PLXNC1: variants seen among roughly 807,000 people sequenced by gnomAD.
PLXNC1 encodes plexin-C1.
PLXNC1 carries 75 observed loss-of-function variants against 178.2 expected under a neutral mutation model. That is an observed-to-expected ratio of 0.42 (90% CI 0.35 to 0.51). PLXNC1 has a LOEUF of 0.51. Among genes scored for constraint, PLXNC1 ranks in the 20% least tolerant of loss-of-function variants. PLXNC1 has a pLI of 0.02. For synonymous variants in PLXNC1, 790 were observed against 779.9 expected, an observed-to-expected ratio of 1.01 and a Z score of -0.22; for missense variants, 1,503 against 1,984.4, an observed-to-expected ratio of 0.76 and a Z score of 4.61.
At chr12:94,288,339 A>G (rs1230572703) in intron 23 of PLXNC1, among the ~76,000 whole-genome samples, 1 of 151,178 alleles carries the variant, frequency 6.6e-6, no homozygotes, top group African/African-American at 2.4e-5. Flanking sequence ...GGCTCTGACA[A>G]CTCCAACCCA....
Position 94,294,512 on chromosome 12 carries a change from C to A in PLXNC1, c.3906C>A (p.Val1302=). The change falls in exon 24 of 31, where the codon GTC becomes GTA. Residue 1302 remains valine, a synonymous_variant. Coordinates refer to ENST00000258526, the MANE Select transcript of PLXNC1 (RefSeq NM_005761.3). ...YEISNGSTIK[V]FKKIANFTSD... ...TATCAAATGGATCCACTATAAAAGT[C>A]TTTAAGAAGATAGCAAATTTTACTT... is the stretch of plus-strand genomic sequence containing the variant. 7.6e-7 allele frequency: 1 copy of A among 1,318,162 alleles called. No homozygotes were observed. The highest frequency in any genetic ancestry group is 1.1e-6 in the Non-Finnish European group (1 of 919,334). The allele number at this position is 1,318,162 out of a possible 1,614,324, so 81.7% of individuals were successfully genotyped here. A position where few individuals can be genotyped will look rare whatever the true frequency, so the allele number is the denominator to read the frequency against.
chr12:94,164,690 C>G (rs1026390672), intron 1 of PLXNC1, among the ~76,000 whole-genome samples: 15 of 141,152 alleles, frequency 1.1e-4, no homozygotes, highest in African/African-American at 3.8e-4. Context: ...CACACACACA[C>G]ACACACACAC....
chr12:94,225,178 TG>T (rs2136026484), intron 7 of PLXNC1, among the ~76,000 whole-genome samples: 1 of 152,202 alleles, frequency 6.6e-6, no homozygotes, highest in African/African-American at 2.4e-5. Flanking sequence ...ATGCCTGACT[TG>T]CCAATTGGAA....
chr12:94,272,194 T>G (rs1467931589), intron 21 of PLXNC1: 1 of 152,174 alleles, frequency 6.6e-6, no homozygotes, highest in Non-Finnish European at 1.5e-5. Context: ...GCAGTTCAGT[T>G]GTACAGAACA....
chr12:94,181,439 A>C lies in PLXNC1; in HGVS notation c.1204-7A>C. The C allele has an allele frequency of 6.6e-7, 1 of 1,526,078 alleles. No individual in the cohort carries two copies. Among genetic ancestry groups the C allele is most frequent in the Non-Finnish European group, 8.9e-7 (1 of 1,124,854 alleles). The allele number at this position is 1,526,078 out of a possible 1,614,324, so 94.5% of individuals were successfully genotyped here. On this transcript the variant is annotated splice_polypyrimidine_tract_variant and splice_region_variant and intron_variant, in intron 2 of 30. Coordinates refer to ENST00000258526, the MANE Select transcript of PLXNC1 (RefSeq NM_005761.3). The stretch of plus-strand genomic sequence containing the variant: ...ATCATGTTTCTCTTTTTGAAAAAAA[A>C]AAATAGGTTATTCTTGGTGAGAATT...
At chr12:94,262,727 G>A in intron 20 of PLXNC1, 1 of 985,426 alleles carries the variant, frequency 1.0e-6, no homozygotes, top group Non-Finnish European at 1.2e-6. Flanking sequence ...CTACCCCACA[G>A]ACGTTTAGTG....
intron 2 of PLXNC1, among the ~76,000 whole-genome samples, chr12:94,172,286 C>T (rs988397787): frequency 5.9e-5 from 9 of 152,168 alleles, no homozygotes; most frequent in Non-Finnish European, 8.8e-5. Context: ...CATGAGTTGA[C>T]GGCATTTTGA....
At chr12:94,237,923 C>A in intron 10 of PLXNC1, 120 bp downstream of exon 10, 1 of 898,270 alleles carries the variant, frequency 1.1e-6, no homozygotes. Context: ...CAAAGCAGGC[C>A]AATTAGTCAG....
chr12:94,279,740 C>T (rs772970958), intron 22 of PLXNC1, 91 bp downstream of exon 22: 1 of 1,098,114 alleles, frequency 9.1e-7, no homozygotes, highest in South Asian at 1.3e-5. Context: ...CCTGCCCCCA[C>T]CAGCTTCCAT....
chr12:94,172,785 A>G (rs1961894911), intron 2 of PLXNC1, among the ~76,000 whole-genome samples: 1 of 152,254 alleles, frequency 6.6e-6, no homozygotes, highest in African/African-American at 2.4e-5. Context: ...CTTTTAAAGT[A>G]TCTTTAAAGA....
At chr12:94,286,616 CAAA>C (rs61238982) in intron 23 of PLXNC1, among the ~76,000 whole-genome samples, 9,794 of 101,416 alleles carry the variant, frequency 0.097, 259 homozygotes, top group South Asian at 0.13. Flanking sequence ...TGCTTAAAAG[CAAA>C]AAAAAAAAAA....
At chr12:94,264,529 G>T (rs904174806) in intron 20 of PLXNC1, among the ~76,000 whole-genome samples, 2 of 152,080 alleles carry the variant, frequency 1.3e-5, no homozygotes, top group African/African-American at 4.8e-5. Context: ...CTGGCCCATG[G>T]AGAGGAGATA....
chr12:94,286,998 T>C (rs1246959197), intron 23 of PLXNC1, among the ~76,000 whole-genome samples: 1 of 152,188 alleles, frequency 6.6e-6, no homozygotes, highest in Non-Finnish European at 1.5e-5. Flanking sequence ...GCTGACACCC[T>C]TGGCAACCCC....
chr12:94,158,145 C>T (rs1961244512), intron 1 of PLXNC1: 1 of 152,204 alleles, frequency 6.6e-6, no homozygotes, highest in African/African-American at 2.4e-5. Context: ...TGACCAAAAG[C>T]TGCCGTGGAA....
intron 27 of PLXNC1, among the ~76,000 whole-genome samples, chr12:94,300,229 T>C (rs1968333023): frequency 6.6e-6 from 1 of 151,886 alleles, no homozygotes; most frequent in Admixed American, 6.6e-5. Flanking sequence ...ATGAGTGCAG[T>C]GGAGAAAGTA....
intron 16 of PLXNC1, 79 bp downstream of exon 16, chr12:94,254,967 G>A: frequency 8.7e-7 from 1 of 1,155,834 alleles, no homozygotes; most frequent in Non-Finnish European, 1.3e-6. Context: ...ACATAGAGAT[G>A]GCCACAGTAA....
chr12:94,285,885 C>A (rs987685077), intron 23 of PLXNC1, among the ~76,000 whole-genome samples: 4 of 152,126 alleles, frequency 2.6e-5, no homozygotes, highest in Admixed American at 1.3e-4. Flanking sequence ...CTGTGCCTCC[C>A]CTGCCAGGCT....
intron 28 of PLXNC1, among the ~76,000 whole-genome samples, chr12:94,302,752 A>C (rs1918309): frequency 0.76 from 115,163 of 152,122 alleles, 44,939 homozygotes; most frequent in East Asian, 0.98. Flanking sequence ...TCTGTCAACT[A>C]CTGCTGCTAA....
At chr12:94,159,861 G>A (rs1961313802) in intron 1 of PLXNC1, among the ~76,000 whole-genome samples, 1 of 152,226 alleles carries the variant, frequency 6.6e-6, no homozygotes. Flanking sequence ...TGACAAATAT[G>A]GAGAGAAACA....
Sources: gnomAD v4.1 joint callset for allele counts (sites outside exome capture counted in the v4.1 genomes callset) on GRCh38, gnomAD v4.1.1 for gene constraint, MANE v1.5 for transcripts, NCBI Gene and HGNC (gene_info 2026-07-23, HGNC 2026-07-21) for gene names.